Variants in ASIC2 observed in about 807,000 individuals in gnomAD.
The protein encoded by ASIC2 is acid sensing ion channel subunit 2, also known as acid-sensing ion channel 2.
A neutral mutation model predicts 57.3 loss-of-function variants in ASIC2; 25 were observed. The ratio of observed to expected loss-of-function variants is 0.44; its 90% CI spans 0.32 to 0.61. ASIC2 has a LOEUF of 0.61. Among genes scored for constraint, ASIC2 ranks in the 20% least tolerant of loss-of-function variants. The pLI is 0.06. For missense variants in ASIC2, 641 were observed against 738.1 expected (o/e 0.87, Z 1.52); for synonymous variants, 319 against 307.5 (o/e 1.04, Z -0.39).
At position 33,986,479 on chromosome 17, in the gene ASIC2, C is replaced by T. The variant is rs138065084; in HGVS notation, c.555+169499G>A. On this transcript the variant is annotated intron_variant, in intron 1 of 9. Coordinates refer to the ASIC2 transcript ENST00000359872. Reference sequence around the variant, plus strand: ...CTGTAGTAACTCACTGAGAATCCAGCCTTCATTCATTTTCCTAAATCCTTC... The same window carrying T: ...CTGTAGTAACTCACTGAGAATCCAGTCTTCATTCATTTTCCTAAATCCTTC... 5.7e-3 allele frequency among the ~76,000 whole-genome samples: 867 copies of T among 152,196 alleles called. 4 individuals carry two copies. The highest frequency in any genetic ancestry group is 0.016 in the South Asian group (79 of 4,814).
At position 33,292,876 on chromosome 17, in the gene ASIC2, G is replaced by A. The variant is rs1905558330; in HGVS notation, c.-761C>T. ...TAAGTCCTGCCAGGCGCCCGCTCTC[G>A]CCTGGGGCTGAGAGCTTCTCAGGGC... On this transcript the variant is annotated 5_prime_UTR_variant, in exon 1 of 10. Transcript: ENST00000225823. 1 of 985,412 alleles carries A rather than the reference G, an allele frequency of 1.0e-6. No homozygotes were observed. The highest frequency in any genetic ancestry group is 4.7e-5 in the South Asian group (1 of 21,288). 61.0% of individuals were successfully genotyped at this position (985,412 alleles called of 1,614,324 possible). A position where few individuals can be genotyped will look rare whatever the true frequency, so the allele number is the denominator to read the frequency against.
intron 1 of ASIC2, among the ~76,000 whole-genome samples, chr17:33,764,031 C>A (rs1055122372): frequency 6.6e-6 from 1 of 152,116 alleles, no homozygotes; most frequent in Non-Finnish European, 1.5e-5. Flanking sequence ...CCGTGGCTCG[C>A]GCCTGTAATC....
intron 1 of ASIC2, chr17:34,037,211 GAAC>G (rs1290197052): frequency 6.3e-6 from 1 of 157,938 alleles, no homozygotes; most frequent in African/African-American, 2.4e-5. Flanking sequence ...TAAAAGAAAA[GAAC>G]AAGTTTAAAT....
chr17:34,016,097 T>A (rs555599589), intron 1 of ASIC2, among the ~76,000 whole-genome samples: 1 of 152,336 alleles, frequency 6.6e-6, no homozygotes, highest in African/African-American at 2.4e-5. Flanking sequence ...AAGTATAAGA[T>A]GTGCTCATAT....
intron 1 of ASIC2, among the ~76,000 whole-genome samples, chr17:33,383,471 A>G (rs1909562696): frequency 6.6e-6 from 1 of 152,236 alleles, no homozygotes; most frequent in Admixed American, 6.5e-5. Context: ...GGATACGCAG[A>G]AAATTATCAT....
At chr17:33,046,882 A>C (rs2141923979) in intron 3 of ASIC2, among the ~76,000 whole-genome samples, 1 of 152,338 alleles carries the variant, frequency 6.6e-6, no homozygotes, top group South Asian at 2.1e-4. Context: ...CGTCAGAATG[A>C]GCCCCAGTCA....
At chr17:33,110,505 G>A (rs1220060845) in intron 2 of ASIC2, among the ~76,000 whole-genome samples, 1 of 152,232 alleles carries the variant, frequency 6.6e-6, no homozygotes, top group African/African-American at 2.4e-5. Flanking sequence ...GGCGCCTGAG[G>A]TGAGCTTCCA....
intron 1 of ASIC2, among the ~76,000 whole-genome samples, chr17:33,491,842 T>C (rs1014050171): frequency 6.6e-6 from 1 of 152,018 alleles, no homozygotes; most frequent in Non-Finnish European, 1.5e-5. Flanking sequence ...CAAGAGGGAG[T>C]CAGTATTTAG....
At chr17:33,761,415 G>A (rs151270701) in intron 1 of ASIC2, among the ~76,000 whole-genome samples, 228 of 152,242 alleles carry the variant, frequency 1.5e-3, no homozygotes, top group African/African-American at 5.3e-3. Flanking sequence ...GGGATGGGAT[G>A]GGGGAAGGCT....
At chr17:33,347,691 GA>G (rs1908005792) in intron 1 of ASIC2, among the ~76,000 whole-genome samples, 1 of 152,158 alleles carries the variant, frequency 6.6e-6, no homozygotes, top group African/African-American at 2.4e-5. Context: ...GGGCTGGTAG[GA>G]TATGAAGTTG....
At chr17:33,831,332 C>T (rs926245620) in intron 1 of ASIC2, among the ~76,000 whole-genome samples, 3 of 151,666 alleles carry the variant, frequency 2.0e-5, no homozygotes, top group African/African-American at 4.8e-5. Context: ...GTTGTGAAAA[C>T]ACTGCCTAAT....
intron 1 of ASIC2, among the ~76,000 whole-genome samples, chr17:33,784,006 G>C (rs1391510994): frequency 6.6e-6 from 1 of 152,196 alleles, no homozygotes; most frequent in Non-Finnish European, 1.5e-5. Flanking sequence ...CAAAGGTACA[G>C]CTCTGCCTGT....
chr17:33,986,087 T>A (rs1192259819), intron 1 of ASIC2, among the ~76,000 whole-genome samples: 1 of 152,202 alleles, frequency 6.6e-6, no homozygotes, highest in East Asian at 1.9e-4. Context: ...CTTTCTTTTT[T>A]CTTTTCTTCC....
At chr17:33,496,603 G>GTTT (rs61267122) in intron 1 of ASIC2, among the ~76,000 whole-genome samples, 1,054 of 70,952 alleles carry the variant, frequency 0.015, 75 homozygotes, top group African/African-American at 0.03. Flanking sequence ...GTTATTGTAG[G>GTTT]TTTTTTTTTT....
At chr17:33,184,909 T>C (rs1906129662) in intron 1 of ASIC2, among the ~76,000 whole-genome samples, 1 of 152,192 alleles carries the variant, frequency 6.6e-6, no homozygotes, top group African/African-American at 2.4e-5. Context: ...AGCAAATGCA[T>C]TAAATTCATT....
intron 1 of ASIC2, among the ~76,000 whole-genome samples, chr17:33,580,763 AT>A (rs1904408620): frequency 6.6e-6 from 1 of 152,146 alleles, no homozygotes; most frequent in Non-Finnish European, 1.5e-5. Context: ...GGTGGTAGTA[AT>A]GTCTTATTGT....
intron 1 of ASIC2, among the ~76,000 whole-genome samples, chr17:34,099,505 G>A (rs1910737228): frequency 8.5e-6 from 1 of 117,004 alleles, no homozygotes; most frequent in Non-Finnish European, 1.6e-5. Flanking sequence ...AAGGAAAGAG[G>A]AAAGAAGAGA....
chr17:33,129,800 T>C (rs1292571261), intron 1 of ASIC2, among the ~76,000 whole-genome samples: 3 of 152,188 alleles, frequency 2.0e-5, no homozygotes, highest in East Asian at 1.9e-4. Flanking sequence ...ATACAGGGGA[T>C]TGGGGACCTG....
Position 33,966,528 on chromosome 17 carries a change from C to T in ASIC2, c.555+189450G>A, listed in dbSNP as rs75615226. Among the ~76,000 whole-genome samples, 1,442 of 152,306 alleles carry T rather than the reference C, an allele frequency of 9.5e-3. 25 individuals are homozygous for T. Among genetic ancestry groups the T allele is most frequent in the South Asian group, 0.056 (269 of 4,820 alleles). On this transcript the variant is annotated intron_variant, in intron 1 of 9. Coordinates refer to the ASIC2 transcript ENST00000359872. ...TGGTAACATCATAGAATGTAACTCA[C>T]TAAAAAGATCCAAGAATCAGGAATT...
Sources: allele counts gnomAD v4.1 joint callset (sites outside exome capture counted in the v4.1 genomes callset), GRCh38; gene constraint gnomAD v4.1.1; transcripts MANE v1.5; gene names NCBI Gene and HGNC (gene_info 2026-07-23, HGNC 2026-07-21).